CTNNA2: variants seen among roughly 807,000 people sequenced by gnomAD.
CTNNA2 encodes catenin alpha 2.
Under a neutral mutation model 101.0 loss-of-function variants are expected in CTNNA2, and 42 were observed. The observed-to-expected ratio is 0.42, with a 90% CI of 0.32 to 0.54. The LOEUF (loss-of-function observed/expected upper bound fraction) is 0.54. Among genes scored for constraint, CTNNA2 ranks in the 20% least tolerant of loss-of-function variants. The probability of loss-of-function intolerance (pLI) is 0.14; values close to 1 mark genes in which losing one functional copy is unlikely to be tolerated. For synonymous variants in CTNNA2, 450 were observed against 456.4 expected, an observed-to-expected ratio of 0.99 and a Z score of 0.18; for missense variants, 871 against 1,223.1, an observed-to-expected ratio of 0.71 and a Z score of 4.29.
intron 7 of CTNNA2, among the ~76,000 whole-genome samples, chr2:79,917,718 A>T (rs2104365145): frequency 6.6e-6 from 1 of 152,226 alleles, no homozygotes; most frequent in Middle Eastern, 3.4e-3. Context: ...TTGTGCAGGG[A>T]TATGTTGGCT....
chr2:80,432,810 AT>A (rs765825187), intron 9 of CTNNA2, among the ~76,000 whole-genome samples: 42 of 150,344 alleles, frequency 2.8e-4, no homozygotes, highest in African/African-American at 5.1e-4. Flanking sequence ...TTATTACTTA[AT>A]TTTTTTTTTG....
At chr2:80,137,455 G>C (rs1702756018) in intron 7 of CTNNA2, among the ~76,000 whole-genome samples, 1 of 152,142 alleles carries the variant, frequency 6.6e-6, no homozygotes, top group Non-Finnish European at 1.5e-5. Flanking sequence ...CGAACTAACA[G>C]TGAATTAGCA....
At chr2:79,280,656 T>TGTG (rs1337075035) in intron 2 of CTNNA2, among the ~76,000 whole-genome samples, 14 of 96,700 alleles carry the variant, frequency 1.4e-4, no homozygotes, top group South Asian at 3.9e-4. Flanking sequence ...TGTGTGTGTG[T>TGTG]AAGAGAAAGA....
chr2:80,243,689 C>T (rs1470980568), intron 7 of CTNNA2, among the ~76,000 whole-genome samples: 1 of 152,106 alleles, frequency 6.6e-6, no homozygotes, highest in Non-Finnish European at 1.5e-5. Flanking sequence ...TGAGTTGTTT[C>T]CAGCTTGGAA....
intron 9 of CTNNA2, among the ~76,000 whole-genome samples, chr2:80,465,079 A>C (rs967040829): frequency 6.6e-6 from 1 of 152,180 alleles, no homozygotes; most frequent in Non-Finnish European, 1.5e-5. Context: ...ACTCAAAAGC[A>C]AGGGTTTTGA....
intron 2 of CTNNA2, among the ~76,000 whole-genome samples, chr2:79,235,129 G>A (rs1020384091): frequency 6.6e-6 from 1 of 152,124 alleles, no homozygotes; most frequent in Non-Finnish European, 1.5e-5. Context: ...TTCTTGCATT[G>A]ATTCTTTCTC....
At position 79,758,908 on chromosome 2, in the gene CTNNA2, T is replaced by C. The variant is rs1428844933; in HGVS notation, c.298+14326T>C. Among the ~76,000 whole-genome samples the C allele has an allele frequency of 2.0e-5, 3 of 152,170 alleles. No homozygotes were observed. In the East Asian group the frequency reaches 5.8e-4, roughly 29 times the overall value. The stretch of plus-strand genomic sequence containing the variant: ...TGAAAAGAAAACAAACAGGTCAAGG[T>C]TAAACCATGCTGAATCTTGTTAGGT... On this transcript the variant is annotated intron_variant, in intron 3 of 18. Transcript: ENST00000402739.
intron 7 of CTNNA2, among the ~76,000 whole-genome samples, chr2:80,009,067 GTTGTCTT>G (rs2104007140): frequency 6.6e-6 from 1 of 152,338 alleles, no homozygotes; most frequent in South Asian, 2.1e-4. Context: ...TGGGATGGAA[GTTGTCTT>G]TTACTGTCTG....
rs151039843 is a variant in CTNNA2, at chr2:79,193,428, A to G, written c.-523-4531A>G. ...ACAGTTACCTACGGTGTTCCGTACA[A>G]TAACATACTATACAGGTACGTACCC... On this transcript the variant is annotated intron_variant, in intron 1 of 21. Coordinates refer to the CTNNA2 transcript ENST00000466387. 9.9e-4 allele frequency among the ~76,000 whole-genome samples: 151 copies of G among 152,340 alleles called. 1 individual carries two copies. The highest frequency in any genetic ancestry group is 3.5e-3 in the African/African-American group (146 of 41,586).
At chr2:79,445,178 G>A (rs142552372) in intron 4 of CTNNA2, among the ~76,000 whole-genome samples, 9 of 152,184 alleles carry the variant, frequency 5.9e-5, no homozygotes, top group African/African-American at 2.2e-4. Flanking sequence ...AATGCTTTCT[G>A]GAGAGTAAGG....
chr2:79,299,629 T>C (rs1573051837), intron 2 of CTNNA2, among the ~76,000 whole-genome samples: 1 of 152,162 alleles, frequency 6.6e-6, no homozygotes, highest in Admixed American at 6.5e-5. Context: ...ATGAGGTGTG[T>C]AGGGAAGAAA....
intron 9 of CTNNA2, among the ~76,000 whole-genome samples, chr2:80,504,626 A>C (rs1032457972): frequency 1.3e-5 from 2 of 152,160 alleles, no homozygotes; most frequent in African/African-American, 4.8e-5. Flanking sequence ...AGACTCTACC[A>C]CATGGAACCT....
intron 1 of CTNNA2, among the ~76,000 whole-genome samples, chr2:79,533,349 T>G (rs1471397609): frequency 6.6e-6 from 1 of 152,154 alleles, no homozygotes; most frequent in Non-Finnish European, 1.5e-5. Flanking sequence ...ATATGGTCAG[T>G]AAATACAGGT....
chr2:80,558,666 C>T (rs1693273918), intron 12 of CTNNA2, among the ~76,000 whole-genome samples: 1 of 151,914 alleles, frequency 6.6e-6, no homozygotes, highest in African/African-American at 2.4e-5. Context: ...TTGAATTGGC[C>T]ACTTTTCTAT....
intron 1 of CTNNA2, among the ~76,000 whole-genome samples, chr2:79,516,688 C>T (rs1300236663): frequency 6.6e-6 from 1 of 152,108 alleles, no homozygotes; most frequent in Non-Finnish European, 1.5e-5. Flanking sequence ...TCACCTAAAG[C>T]CCCATCCTGA....
intron 2 of CTNNA2, among the ~76,000 whole-genome samples, chr2:79,287,740 G>A (rs1200252575): frequency 6.6e-6 from 1 of 152,180 alleles, no homozygotes; most frequent in Non-Finnish European, 1.5e-5. Flanking sequence ...AGCCTACAGA[G>A]GCAAGCAGGC....
At chr2:80,565,430 T>C (rs1693969724) in intron 12 of CTNNA2, among the ~76,000 whole-genome samples, 1 of 151,970 alleles carries the variant, frequency 6.6e-6, no homozygotes, top group Non-Finnish European at 1.5e-5. Context: ...GGCATAGAAC[T>C]GGGGAAGCTC....
At chr2:80,024,300 G>C (rs78674190) in intron 7 of CTNNA2, among the ~76,000 whole-genome samples, 2 of 152,122 alleles carry the variant, frequency 1.3e-5, no homozygotes, top group Non-Finnish European at 2.9e-5. Context: ...AAAATGTGAC[G>C]AGTGCTTGGA....
chr2:79,875,115 A>G (rs928124332), intron 6 of CTNNA2, among the ~76,000 whole-genome samples: 1 of 152,186 alleles, frequency 6.6e-6, no homozygotes, highest in Non-Finnish European at 1.5e-5. Context: ...AAAGTCCTAC[A>G]TTCTACACTG....
Sources: allele counts gnomAD v4.1 joint callset (sites outside exome capture counted in the v4.1 genomes callset), GRCh38; gene constraint gnomAD v4.1.1; transcripts MANE v1.5; gene names NCBI Gene and HGNC (gene_info 2026-07-23, HGNC 2026-07-21).